The following CSGALNACT1 variants were observed in gnomAD, a reference collection of about 807,000 sequenced individuals.
CSGALNACT1 encodes the protein chondroitin sulfate N-acetylgalactosaminyltransferase 1.
In CSGALNACT1, 52 loss-of-function variants were observed where a neutral mutation model predicts 51.0. That is an observed-to-expected ratio of 1.02 (90% CI 0.82 to 1.29). CSGALNACT1 has a LOEUF of 1.29. Among genes scored for constraint, CSGALNACT1 ranks in the 50% most tolerant of loss-of-function variants. The probability of loss-of-function intolerance (pLI) is 0.00; values close to 1 mark genes in which losing one functional copy is unlikely to be tolerated. For synonymous variants in CSGALNACT1, 341 were observed against 254.4 expected, an observed-to-expected ratio of 1.34 and a Z score of -3.24; for missense variants, 935 against 679.2, an observed-to-expected ratio of 1.38 and a Z score of -4.19.
chr8:19,582,529 C>G (rs1398607715), intron 3 of CSGALNACT1, among the ~76,000 whole-genome samples: 1 of 152,116 alleles, frequency 6.6e-6, no homozygotes, highest in Admixed American at 6.5e-5. Flanking sequence ...ATACACATGA[C>G]TAAGAGCTGG....
At chr8:19,497,352 C>T (rs901100202) in intron 4 of CSGALNACT1, among the ~76,000 whole-genome samples, 18 of 152,140 alleles carry the variant, frequency 1.2e-4, no homozygotes, top group African/African-American at 4.1e-4. Context: ...AAAACAACCT[C>T]TACCCCAAAC....
At position 19,465,111 on chromosome 8, in the gene CSGALNACT1, T is replaced by C. The variant is rs575909879; in HGVS notation, c.635-6469A>G. Among the ~76,000 whole-genome samples, 8 of 152,236 alleles carry C rather than the reference T, an allele frequency of 5.3e-5. No homozygotes were observed. In the South Asian group the frequency reaches 1.7e-3, roughly 32 times the overall value. Reference sequence around the variant, plus strand: ...AACAACTCACACCCCCATCAACAGATAAATGGATAAACAAAATGTGGTCCA... The same window carrying C: ...AACAACTCACACCCCCATCAACAGACAAATGGATAAACAAAATGTGGTCCA... On this transcript the variant is annotated intron_variant, in intron 4 of 9. Transcript: ENST00000454498.
chr8:19,630,378 A>G (rs541318770), intron 1 of CSGALNACT1, among the ~76,000 whole-genome samples: 12 of 152,184 alleles, frequency 7.9e-5, no homozygotes, highest in Admixed American at 3.9e-4. Flanking sequence ...AGTGAGAGAA[A>G]AAGTACAGAG....
chr8:19,724,591 A>C (rs2063293980), intron 1 of CSGALNACT1, among the ~76,000 whole-genome samples: 1 of 152,186 alleles, frequency 6.6e-6, no homozygotes, highest in African/African-American at 2.4e-5. Context: ...CTTTTGCTGC[A>C]TATAATAACA....
intron 8 of CSGALNACT1, among the ~76,000 whole-genome samples, chr8:19,415,205 T>C (rs966198344): frequency 1.3e-5 from 2 of 152,174 alleles, no homozygotes; most frequent in African/African-American, 4.8e-5. Context: ...CTCTCACAAA[T>C]TACTACCAAG....
At chr8:19,667,040 G>GAAGGAAGGAAGGAAGGAAGGGAGA in intron 1 of CSGALNACT1, among the ~76,000 whole-genome samples, 1 of 34,974 alleles carries the variant, frequency 2.9e-5, no homozygotes, top group East Asian at 9.0e-4. Context: ...AGGAAGGAAG[G>GAAGGAAGGAAGGAAGGAAGGGAGA]AAGAAAGAAA....
At chr8:19,591,565 T>G (rs2047822648) in intron 2 of CSGALNACT1, among the ~76,000 whole-genome samples, 1 of 152,158 alleles carries the variant, frequency 6.6e-6, no homozygotes, top group African/African-American at 2.4e-5. Flanking sequence ...CCATCTTAAT[T>G]GTAGAAAGGA....
chr8:19,409,526 C>A (rs1353242620), intron 8 of CSGALNACT1, among the ~76,000 whole-genome samples: 1 of 152,238 alleles, frequency 6.6e-6, no homozygotes, highest in African/African-American at 2.4e-5. Context: ...GAGAGAAACA[C>A]ACACACAAAC....
intron 1 of CSGALNACT1, among the ~76,000 whole-genome samples, chr8:19,718,382 G>C (rs60774698): frequency 6.6e-6 from 1 of 152,012 alleles, no homozygotes; most frequent in East Asian, 1.9e-4. Flanking sequence ...GTTTACAGGC[G>C]TGAGCCACCG....
chr8:19,705,668 G>A (rs371626266), intron 1 of CSGALNACT1, among the ~76,000 whole-genome samples: 1 of 152,000 alleles, frequency 6.6e-6, no homozygotes, highest in South Asian at 2.1e-4. Context: ...GCCGGGGAGG[G>A]GGAGGCTGCA....
rs34787475 is a variant in CSGALNACT1, at chr8:19,525,615, CAAAAAAAAAAA to C, written c.-296-19496_-296-19486del. Among the ~76,000 whole-genome samples, 174 of 20,394 alleles carry C rather than the reference CAAAAAAAAAAA, an allele frequency of 8.5e-3. 2 individuals are homozygous for C. The highest frequency in any genetic ancestry group is 0.11 in the Middle Eastern group (2 of 18). The allele number at this position is 20,394 out of a possible 152,430, so 13.4% of individuals were successfully genotyped here. A position where few individuals can be genotyped will look rare whatever the true frequency, so the allele number is the denominator to read the frequency against. ...CTGGCTGACAGAGGGAAACTTGTCC[CAAAAAAAAAAA>C]AAAAAAAAAAAAAAAAAAAAAAAGT... On this transcript the variant is annotated intron_variant, in intron 3 of 9. Coordinates refer to ENST00000454498, the Ensembl canonical transcript of CSGALNACT1.
At chr8:19,739,758 G>A (rs553332457) in intron 1 of CSGALNACT1, among the ~76,000 whole-genome samples, 1 of 152,220 alleles carries the variant, frequency 6.6e-6, no homozygotes, top group South Asian at 2.1e-4. Flanking sequence ...GGATGTGGGA[G>A]CAGTGAAGTA....
intron 3 of CSGALNACT1, among the ~76,000 whole-genome samples, chr8:19,509,529 C>G (rs745440469): frequency 6.8e-6 from 1 of 146,990 alleles, no homozygotes; most frequent in African/African-American, 2.5e-5. Flanking sequence ...GGCTGAGGCA[C>G]GAGAATCGCT....
intron 1 of CSGALNACT1, among the ~76,000 whole-genome samples, chr8:19,632,255 T>C (rs2055371284): frequency 1.3e-5 from 2 of 152,250 alleles, no homozygotes; most frequent in African/African-American, 4.8e-5. Flanking sequence ...CACATCTGCC[T>C]TGGAAAATTA....
chr8:19,594,435 T>A (rs1443874826), intron 2 of CSGALNACT1, among the ~76,000 whole-genome samples: 1 of 152,050 alleles, frequency 6.6e-6, no homozygotes, highest in African/African-American at 2.4e-5. Context: ...AGACGAACAA[T>A]AACATTGAGA....
At chr8:19,623,009 G>A (rs779161413) in intron 1 of CSGALNACT1, among the ~76,000 whole-genome samples, 4 of 152,178 alleles carry the variant, frequency 2.6e-5, no homozygotes, top group African/African-American at 2.4e-5. Context: ...ACATGTATAC[G>A]TAGGTAACAA....
At chr8:19,546,061 C>G (rs2154076668) in intron 3 of CSGALNACT1, among the ~76,000 whole-genome samples, 1 of 151,964 alleles carries the variant, frequency 6.6e-6, no homozygotes. Flanking sequence ...TTTTAATAGT[C>G]CTTTTCACTT....
intron 1 of CSGALNACT1, among the ~76,000 whole-genome samples, chr8:19,626,635 A>T (rs184886072): frequency 5.9e-4 from 90 of 152,356 alleles, no homozygotes; most frequent in African/African-American, 2.1e-3. Flanking sequence ...TAGGATGAAA[A>T]GATAATCAAC....
At chr8:19,473,799 TATA>T (rs755864980) in intron 4 of CSGALNACT1, among the ~76,000 whole-genome samples, 2 of 152,134 alleles carry the variant, frequency 1.3e-5, no homozygotes, top group African/African-American at 2.4e-5. Context: ...TTGGGGAAAA[TATA>T]TATGTATTTC....
Sources: allele counts gnomAD v4.1 joint callset (sites outside exome capture counted in the v4.1 genomes callset), GRCh38; gene constraint gnomAD v4.1.1; transcripts MANE v1.5; gene names NCBI Gene and HGNC (gene_info 2026-07-23, HGNC 2026-07-21).